The following SMYD3 variants were observed in gnomAD, a reference collection of about 807,000 sequenced individuals.
SMYD3 encodes the protein histone-lysine N-methyltransferase SMYD3.
In SMYD3, 36 loss-of-function variants were observed where a neutral mutation model predicts 57.7. That is an observed-to-expected ratio of 0.62 (90% CI 0.48 to 0.82). SMYD3 has a LOEUF of 0.82. SMYD3 is among the 40% of genes least tolerant of loss of function. The probability of loss-of-function intolerance (pLI) is 0.00; values close to 1 mark genes in which losing one functional copy is unlikely to be tolerated. For missense variants in SMYD3, 515 were observed against 538.8 expected (o/e 0.96, Z 0.44); for synonymous variants, 211 against 195.0 (o/e 1.08, Z -0.68).
intron 10 of SMYD3, among the ~76,000 whole-genome samples, chr1:245,771,040 A>G (rs1572287923): frequency 6.7e-6 from 1 of 150,076 alleles, no homozygotes; most frequent in East Asian, 1.9e-4. Context: ...CAGAAGCTAT[A>G]TATATACACA....
intron 10 of SMYD3, among the ~76,000 whole-genome samples, chr1:245,792,846 A>G (rs2047333692): frequency 6.6e-6 from 1 of 152,184 alleles, no homozygotes; most frequent in Admixed American, 6.5e-5. Context: ...TCGGGATTTT[A>G]TGCTGGCTCA....
intron 1 of SMYD3, among the ~76,000 whole-genome samples, chr1:246,505,189 A>G: frequency 6.6e-6 from 1 of 151,970 alleles, no homozygotes; most frequent in East Asian, 1.9e-4. Flanking sequence ...CCCTTTTTCT[A>G]TGTTTATGTT....
chr1:245,983,142 G>C (rs1538295), intron 5 of SMYD3, among the ~76,000 whole-genome samples: 1 of 151,946 alleles, frequency 6.6e-6, no homozygotes, highest in Admixed American at 6.6e-5. Context: ...ACAGAGACAA[G>C]ATGCCTCATC....
At chr1:246,408,162 C>CA (rs755127691) in intron 1 of SMYD3, among the ~76,000 whole-genome samples, 2 of 152,088 alleles carry the variant, frequency 1.3e-5, no homozygotes, top group Non-Finnish European at 2.9e-5. Context: ...GTTAAGATCA[C>CA]ACAGCATATA....
At position 246,267,553 on chromosome 1, in the gene SMYD3, G is replaced by A. The variant is rs2064133013; in HGVS notation, c.531+59648C>T. Among the ~76,000 whole-genome samples, 3 of 152,320 alleles carry A rather than the reference G, an allele frequency of 2.0e-5. No individual in the cohort carries two copies. The South Asian group carries it at 6.2e-4, about 32-fold the overall frequency. ...AACTGTTCCTGGTATATAGAAAACAGATCTTATCTAAGAATTCACCGTTTA... is the reference window on the plus strand; with the variant it reads ...AACTGTTCCTGGTATATAGAAAACAAATCTTATCTAAGAATTCACCGTTTA... On this transcript the variant is annotated intron_variant, in intron 5 of 11. Coordinates refer to ENST00000490107, the MANE Select transcript of SMYD3 (RefSeq NM_001167740.2).
intron 5 of SMYD3, among the ~76,000 whole-genome samples, chr1:246,166,905 G>A (rs1248341963): frequency 6.6e-6 from 1 of 152,156 alleles, no homozygotes; most frequent in East Asian, 1.9e-4. Flanking sequence ...CACTACAGAG[G>A]AAAACTCGAT....
chr1:246,273,151 T>C (rs2064256850), intron 5 of SMYD3, among the ~76,000 whole-genome samples: 1 of 134,322 alleles, frequency 7.4e-6, no homozygotes, highest in African/African-American at 3.0e-5. Flanking sequence ...TTTTTTTTTT[T>C]TCTTTTTTTT....
intron 5 of SMYD3, among the ~76,000 whole-genome samples, chr1:246,305,404 T>C (rs1330880441): frequency 2.6e-5 from 4 of 152,120 alleles, no homozygotes; most frequent in African/African-American, 7.2e-5. Context: ...CTTTTTAACA[T>C]AAAATATTAG....
chr1:246,035,022 G>C (rs551224081), intron 5 of SMYD3, among the ~76,000 whole-genome samples: 1 of 152,066 alleles, frequency 6.6e-6, no homozygotes, highest in Non-Finnish European at 1.5e-5. Context: ...ATAAAATTAG[G>C]AGGAAAGCCT....
At chr1:246,456,716 C>T (rs1306724752) in intron 1 of SMYD3, among the ~76,000 whole-genome samples, 1 of 152,112 alleles carries the variant, frequency 6.6e-6, no homozygotes, top group Non-Finnish European at 1.5e-5. Flanking sequence ...ATGAGTGGGA[C>T]CAGAAGGTGA....
intron 5 of SMYD3, among the ~76,000 whole-genome samples, chr1:245,984,708 T>C (rs939236943): frequency 2.6e-5 from 4 of 152,226 alleles, no homozygotes; most frequent in Non-Finnish European, 5.9e-5. Flanking sequence ...GCTACACTGA[T>C]TATCCTCTCA....
chr1:246,132,007 C>T (rs1298467754), intron 5 of SMYD3, among the ~76,000 whole-genome samples: 3 of 152,204 alleles, frequency 2.0e-5, no homozygotes, highest in South Asian at 4.1e-4. Flanking sequence ...ACAGTATAGA[C>T]TGAAAAATGA....
At chr1:246,309,266 A>G (rs1221656129) in intron 5 of SMYD3, among the ~76,000 whole-genome samples, 1 of 152,254 alleles carries the variant, frequency 6.6e-6, no homozygotes, top group African/African-American at 2.4e-5. Context: ...ATCAAAATAC[A>G]TGATCACATT....
chr1:246,032,944 A>G (rs1257680933), intron 5 of SMYD3, among the ~76,000 whole-genome samples: 1 of 152,186 alleles, frequency 6.6e-6, no homozygotes, highest in Non-Finnish European at 1.5e-5. Flanking sequence ...CCTCAAATGT[A>G]TATAATAAGA....
At chr1:246,055,189 A>G (rs1289478203) in intron 5 of SMYD3, among the ~76,000 whole-genome samples, 1 of 152,060 alleles carries the variant, frequency 6.6e-6, no homozygotes, top group Non-Finnish European at 1.5e-5. Context: ...AAAAAACAAA[A>G]AAAAAAACAA....
intron 5 of SMYD3, chr1:246,326,934 AC>A (rs2065362575): frequency 2.1e-6 from 1 of 469,642 alleles, no homozygotes; most frequent in African/African-American, 2.0e-5. Flanking sequence ...AAGAAAGCAT[AC>A]TCTTTCTTCC....
chr1:246,083,845 C>A (rs1284467840), intron 5 of SMYD3, among the ~76,000 whole-genome samples: 1 of 152,152 alleles, frequency 6.6e-6, no homozygotes, highest in Non-Finnish European at 1.5e-5. Flanking sequence ...ATAAAGGTCA[C>A]AATTTGTATT....
At chr1:246,391,888 G>A (rs1029693745) in intron 1 of SMYD3, among the ~76,000 whole-genome samples, 2 of 152,020 alleles carry the variant, frequency 1.3e-5, no homozygotes, top group South Asian at 2.1e-4. Flanking sequence ...ATCTTACCCC[G>A]AACATTCAAT....
chr1:245,966,368 T>C lies in SMYD3; in HGVS notation c.532-36431A>G, dbSNP rs117403479. On this transcript the variant is annotated intron_variant, in intron 5 of 11. Transcript: ENST00000490107. ...TTTCTTCGTAGAGATGAGGTCTCAT[T>C]ATGTTTCCCAGGCTGGTCTTGAACT... is the stretch of plus-strand genomic sequence containing the variant. Among the ~76,000 whole-genome samples the C allele has an allele frequency of 5.3e-5, 8 of 152,188 alleles. No homozygotes were observed. In the East Asian group the frequency reaches 1.5e-3, roughly 29 times the overall value.
Sources: allele counts gnomAD v4.1 joint callset (sites outside exome capture counted in the v4.1 genomes callset), GRCh38; gene constraint gnomAD v4.1.1; transcripts MANE v1.5; gene names NCBI Gene and HGNC (gene_info 2026-07-23, HGNC 2026-07-21).